Variants in SLC71A1 observed in about 807,000 individuals in gnomAD.
SLC71A1 encodes solute carrier family 71 member 1, also known as hippocampus abundant gene transcript 1.
At chr1:100,068,463 C>T in the SLC71A1 span, 3 of 1,557,464 alleles carry the variant, frequency 1.9e-6, no homozygotes, top group Non-Finnish European at 2.6e-6. Context: ...CAGTCTTTTT[C>T]TTGTTCTAGT....
chr1:100,053,967 G>T, the SLC71A1 span, among the ~76,000 whole-genome samples: 5,024 of 151,804 alleles, frequency 0.033, 301 homozygotes, highest in African/African-American at 0.11. Flanking sequence ...TATTAGCTAA[G>T]TGATGAGAAT....
At chr1:100,048,542 T>C in the SLC71A1 span, among the ~76,000 whole-genome samples, 1 of 152,174 alleles carries the variant, frequency 6.6e-6, no homozygotes, top group South Asian at 2.1e-4. Context: ...AGGCATCACC[T>C]CCTCCTTCCT....
chr1:100,038,276 T>C, the SLC71A1 span: 4 of 1,561,420 alleles, frequency 2.6e-6, no homozygotes, highest in Non-Finnish European at 3.5e-6. Context: ...AACCGCAGTA[T>C]CATGCTGGCC....
the SLC71A1 span, chr1:100,068,544 G>A: frequency 9.3e-6 from 15 of 1,613,752 alleles, no homozygotes; most frequent in Admixed American, 3.3e-5. Flanking sequence ...CCTACCTACC[G>A]GAGGCAGGCC....
the SLC71A1 span, among the ~76,000 whole-genome samples, chr1:100,057,434 A>G: frequency 6.7e-6 from 1 of 150,108 alleles, no homozygotes; most frequent in Non-Finnish European, 1.5e-5. Flanking sequence ...AGCTCACTGC[A>G]ACCTCTGCCC....
chr1:100,041,062 C>T, the SLC71A1 span, among the ~76,000 whole-genome samples: 23 of 152,246 alleles, frequency 1.5e-4, no homozygotes, highest in Middle Eastern at 3.4e-3. Context: ...CTGCTAATGA[C>T]ATATATGTAA....
the SLC71A1 span, chr1:100,038,151 A>G: frequency 1.6e-6 from 2 of 1,238,592 alleles, no homozygotes; most frequent in Non-Finnish European, 2.3e-6. Flanking sequence ...TCGGCCCGGC[A>G]GTAGTGGTGG....
chr1:100,046,323 T>G, the SLC71A1 span, among the ~76,000 whole-genome samples: 1 of 144,852 alleles, frequency 6.9e-6, no homozygotes, highest in Non-Finnish European at 1.5e-5. Context: ...GCCTCCCTGG[T>G]TCAAGTGATT....
chr1:100,059,844 T>TGTG, the SLC71A1 span: 1 of 1,570,026 alleles, frequency 6.4e-7, no homozygotes, highest in African/African-American at 1.4e-5. Flanking sequence ...CTCATAGATG[T>TGTG]GTGGTATTCA....
the SLC71A1 span, among the ~76,000 whole-genome samples, chr1:100,065,453 C>T: frequency 1.3e-5 from 2 of 151,194 alleles, no homozygotes; most frequent in South Asian, 4.2e-4. Flanking sequence ...CTTTCCTTCC[C>T]TTCCCCTTTC....
the SLC71A1 span, among the ~76,000 whole-genome samples, chr1:100,060,392 C>G: frequency 6.6e-6 from 1 of 151,988 alleles, no homozygotes; most frequent in East Asian, 1.9e-4. Flanking sequence ...ATATCAAAAC[C>G]CAAAATAAGA....
the SLC71A1 span, among the ~76,000 whole-genome samples, chr1:100,045,238 T>C: frequency 2.0e-5 from 3 of 152,164 alleles, no homozygotes; most frequent in African/African-American, 7.2e-5. Context: ...TATTCCTAGG[T>C]GTTTTGTTTT....
At chr1:100,052,973 G>A in the SLC71A1 span, among the ~76,000 whole-genome samples, 54 of 151,544 alleles carry the variant, frequency 3.6e-4, no homozygotes, top group African/African-American at 1.3e-3. Flanking sequence ...TAATAGAGAC[G>A]GGGTTTCACC....
At chr1:100,042,156 T>C in the SLC71A1 span, among the ~76,000 whole-genome samples, 1 of 152,232 alleles carries the variant, frequency 6.6e-6, no homozygotes, top group African/African-American at 2.4e-5. Flanking sequence ...AATGCTCATC[T>C]TAAAATATGA....
chr1:100,054,248 CT>C, the SLC71A1 span, among the ~76,000 whole-genome samples: 3 of 151,706 alleles, frequency 2.0e-5, no homozygotes, highest in South Asian at 6.3e-4. Flanking sequence ...GAGTTTCACT[CT>C]GTCGTCTAGG....
At chr1:100,054,534 A>G in the SLC71A1 span, among the ~76,000 whole-genome samples, 17 of 151,928 alleles carry the variant, frequency 1.1e-4, no homozygotes, top group African/African-American at 3.9e-4. Context: ...TGACAGACCT[A>G]TGGCTCTGGA....
chr1:100,038,133 A>G, the SLC71A1 span: 2 of 1,070,270 alleles, frequency 1.9e-6, no homozygotes, highest in Non-Finnish European at 2.8e-6. Context: ...GCGGGCGCCC[A>G]GAGCGGCTCG....
the SLC71A1 span, chr1:100,077,101 T>G: frequency 2.6e-6 from 2 of 767,162 alleles, no homozygotes; most frequent in African/African-American, 3.6e-5. Context: ...CCTTTTATAG[T>G]GTAGATTGAA....
the SLC71A1 span, among the ~76,000 whole-genome samples, chr1:100,038,909 G>T: frequency 6.6e-6 from 1 of 152,212 alleles, no homozygotes; most frequent in Non-Finnish European, 1.5e-5. Flanking sequence ...TCCCGGAGTC[G>T]GAAGCATGAC....
Sources: allele counts gnomAD v4.1 joint callset (sites outside exome capture counted in the v4.1 genomes callset), GRCh38; gene constraint gnomAD v4.1.1; transcripts MANE v1.5; gene names NCBI Gene and HGNC (gene_info 2026-07-23, HGNC 2026-07-21).